ANO2: variants seen among roughly 807,000 people sequenced by gnomAD.
ANO2 encodes the protein anoctamin-2.
In ANO2, 101 loss-of-function variants were observed where a neutral mutation model predicts 124.2. The ratio of observed to expected loss-of-function variants is 0.81; its 90% CI spans 0.69 to 0.96. ANO2 has a LOEUF of 0.96. ANO2 is among the 40% of genes least tolerant of loss of function. The probability of loss-of-function intolerance (pLI) is 0.00; values close to 1 mark genes in which losing one functional copy is unlikely to be tolerated. For synonymous variants in ANO2, 486 were observed against 482.5 expected, an observed-to-expected ratio of 1.01 and a Z score of -0.09; for missense variants, 1,293 against 1,274.5, an observed-to-expected ratio of 1.01 and a Z score of -0.22.
At chr12:5,616,405 C>A (rs150212957) in intron 16 of ANO2, among the ~76,000 whole-genome samples, 99 of 152,292 alleles carry the variant, frequency 6.5e-4, no homozygotes, top group Non-Finnish European at 2.9e-5. Flanking sequence ...GCCCTCATGG[C>A]CTCATCACCT....
chr12:5,823,734 C>T (rs958395396), intron 7 of ANO2, among the ~76,000 whole-genome samples: 1 of 152,260 alleles, frequency 6.6e-6, no homozygotes, highest in African/African-American at 2.4e-5. Context: ...AGTAGGGACT[C>T]TGTGTGGAAG....
At chr12:5,674,435 C>T (rs768562396) in intron 14 of ANO2, among the ~76,000 whole-genome samples, 5 of 152,236 alleles carry the variant, frequency 3.3e-5, no homozygotes, top group South Asian at 2.1e-4. Flanking sequence ...ACTCTCCCCA[C>T]GCACAACCAT....
intron 14 of ANO2, among the ~76,000 whole-genome samples, chr12:5,660,732 G>T (rs540370881): frequency 2.0e-5 from 3 of 152,290 alleles, no homozygotes; most frequent in East Asian, 3.9e-4. Flanking sequence ...GGGTCACGCT[G>T]ATCACAGAAT....
intron 14 of ANO2, among the ~76,000 whole-genome samples, chr12:5,652,331 C>T (rs1946952600): frequency 6.6e-6 from 1 of 151,982 alleles, no homozygotes; most frequent in African/African-American, 2.4e-5. Context: ...TACCCTGCAC[C>T]CAGTTTCCCC....
chr12:5,833,426 T>C (rs1954218125), intron 4 of ANO2, among the ~76,000 whole-genome samples: 1 of 152,182 alleles, frequency 6.6e-6, no homozygotes, highest in Non-Finnish European at 1.5e-5. Flanking sequence ...CACATATTCT[T>C]TTAAGAGGTA....
rs577997371 is a variant in ANO2 at position 5,620,037 on chromosome 12, T to C, written c.1817-4740A>G. ...TGCCTGTTGAACCAGTGGTCAGTTG[T>C]AGGTGAGGAGAAATGTGTTTGAGAG... On this transcript the variant is annotated intron_variant, in intron 16 of 24. Transcript: ENST00000682330. 2.0e-5 allele frequency among the ~76,000 whole-genome samples: 3 copies of C among 152,336 alleles called. No homozygotes were observed. In the East Asian group the frequency reaches 5.8e-4, roughly 29 times the overall value.
Position 5,589,627 on chromosome 12 carries a change from C to T in ANO2, c.2233+9857G>A, listed in dbSNP as rs576591487. Among the ~76,000 whole-genome samples, 32 of 152,216 alleles carry T rather than the reference C, an allele frequency of 2.1e-4. No individual in the cohort carries two copies. In the South Asian group the frequency reaches 6.4e-3, roughly 31 times the overall value. ...AAGGCCCTGCAATTTGAAGAATCGG[C>T]CCTTGGGAAATTAATTACCAAAGGC... On this transcript the variant is annotated intron_variant, in intron 20 of 24. Coordinates refer to ENST00000682330, the MANE Select transcript of ANO2 (RefSeq NM_001364791.2).
chr12:5,592,599 T>C (rs1943454131), intron 20 of ANO2, among the ~76,000 whole-genome samples: 1 of 152,090 alleles, frequency 6.6e-6, no homozygotes, highest in Non-Finnish European at 1.5e-5. Context: ...GGATTTTAAG[T>C]AGAAAAATGA....
At chr12:5,566,212 C>G (rs1941749930) in intron 23 of ANO2, among the ~76,000 whole-genome samples, 1 of 152,182 alleles carries the variant, frequency 6.6e-6, no homozygotes, top group African/African-American at 2.4e-5. Flanking sequence ...TGATCCAGAC[C>G]AAGCTGGAGG....
chr12:5,737,280 C>A (rs1208830609), intron 13 of ANO2, among the ~76,000 whole-genome samples: 2 of 152,226 alleles, frequency 1.3e-5, no homozygotes, highest in African/African-American at 4.8e-5. Context: ...TGGGTAAACC[C>A]AGTCTTGGCC....
At chr12:5,616,486 C>A (rs1243050942) in intron 16 of ANO2, among the ~76,000 whole-genome samples, 1 of 152,160 alleles carries the variant, frequency 6.6e-6, no homozygotes, top group Non-Finnish European at 1.5e-5. Context: ...TTGGGGAACA[C>A]AAGTATTAGG....
intron 14 of ANO2, among the ~76,000 whole-genome samples, chr12:5,711,157 C>CA (rs200477878): frequency 0.18 from 16,809 of 92,542 alleles, 1,098 homozygotes; most frequent in Admixed American, 0.29. Flanking sequence ...GACTCTGTCT[C>CA]AAAAAAAAAA....
chr12:5,864,268 G>GAAAGTA (rs1446712861), intron 3 of ANO2, among the ~76,000 whole-genome samples: 1 of 152,218 alleles, frequency 6.6e-6, no homozygotes, highest in Admixed American at 6.5e-5. Flanking sequence ...ATAACAGGCT[G>GAAAGTA]AAAGTAGCCA....
chr12:5,672,311 T>C (rs1001915658), intron 14 of ANO2, among the ~76,000 whole-genome samples: 3 of 152,162 alleles, frequency 2.0e-5, no homozygotes, highest in Non-Finnish European at 2.9e-5. Context: ...TCTATAATTG[T>C]GGTCTGTTTA....
chr12:5,562,993 A>C lies in ANO2; in HGVS notation c.*306T>G. 1 of 373,186 alleles carries C rather than the reference A, an allele frequency of 2.7e-6. No homozygotes were observed. The allele number at this position is 373,186 out of a possible 1,614,324, so 23.1% of individuals were successfully genotyped here. On this transcript the variant is annotated 3_prime_UTR_variant, in exon 25 of 25. Transcript: ENST00000682330. The stretch of plus-strand genomic sequence containing the variant: ...AGAGGGTGCCCCAGGGTACATGGGA[A>C]TGCTCGCGGTGCCTGAGACTCTGGG...
chr12:5,692,801 C>G (rs1287972204), intron 14 of ANO2, among the ~76,000 whole-genome samples: 1 of 152,128 alleles, frequency 6.6e-6, no homozygotes, highest in Non-Finnish European at 1.5e-5. Flanking sequence ...ATGAGGCAGA[C>G]AGTGTGAGGG....
At chr12:5,899,469 G>A (rs981188446) in intron 3 of ANO2, among the ~76,000 whole-genome samples, 1 of 152,166 alleles carries the variant, frequency 6.6e-6, no homozygotes, top group African/African-American at 2.4e-5. Flanking sequence ...ATCTCAACTG[G>A]AGCCCCAGCT....
At chr12:5,701,471 A>C (rs181228340) in intron 14 of ANO2, among the ~76,000 whole-genome samples, 1 of 152,262 alleles carries the variant, frequency 6.6e-6, no homozygotes, top group East Asian at 1.9e-4. Context: ...ATTCCTTGAA[A>C]GGTGTCCAGA....
At chr12:5,767,611 T>C (rs1316490694) in intron 10 of ANO2, among the ~76,000 whole-genome samples, 1 of 152,212 alleles carries the variant, frequency 6.6e-6, no homozygotes, top group African/African-American at 2.4e-5. Flanking sequence ...AAGTTAAAAG[T>C]TAGAATTAGG....
Sources: allele counts gnomAD v4.1 joint callset (sites outside exome capture counted in the v4.1 genomes callset), GRCh38; gene constraint gnomAD v4.1.1; transcripts MANE v1.5; gene names NCBI Gene and HGNC (gene_info 2026-07-23, HGNC 2026-07-21).